Variants in WDFY2 observed in about 807,000 individuals in gnomAD.
WDFY2 encodes WD repeat and FYVE domain-containing protein 2.
A neutral mutation model predicts 56.4 loss-of-function variants in WDFY2; 36 were observed. The observed-to-expected ratio is 0.64, with a 90% confidence interval of 0.49 to 0.84. The LOEUF (loss-of-function observed/expected upper bound fraction) is 0.84, where lower values mean the gene tolerates loss of function less well. Among genes scored for constraint, WDFY2 ranks in the 40% least tolerant of loss-of-function variants. The pLI is 0.00. For synonymous variants in WDFY2, 176 were observed against 183.7 expected (o/e 0.96, Z 0.34); for missense variants, 444 against 512.2 (o/e 0.87, Z 1.29).
chr13:51,619,864 C>G (rs1954692542), intron 1 of WDFY2, among the ~76,000 whole-genome samples: 1 of 152,210 alleles, frequency 6.6e-6, no homozygotes, highest in Non-Finnish European at 1.5e-5. Flanking sequence ...CTTATTTGAA[C>G]CTGCCTTGCA....
chr13:51,585,421 A>G (rs960181328), intron 1 of WDFY2, among the ~76,000 whole-genome samples: 18 of 152,194 alleles, frequency 1.2e-4, no homozygotes, highest in African/African-American at 4.1e-4. Flanking sequence ...TTGGAGCTCG[A>G]GGAGAAGCGC....
chr13:51,623,753 C>T (rs1954786445), intron 1 of WDFY2, among the ~76,000 whole-genome samples: 1 of 152,058 alleles, frequency 6.6e-6, no homozygotes, highest in South Asian at 2.1e-4. Context: ...TTTCTCATTC[C>T]CATAAGAAAT....
intron 4 of WDFY2, among the ~76,000 whole-genome samples, chr13:51,710,322 G>A (rs373094058): frequency 1.6e-4 from 24 of 152,194 alleles, no homozygotes; most frequent in East Asian, 1.2e-3. Context: ...CAAACCCACA[G>A]CCAATATCAT....
intron 1 of WDFY2, among the ~76,000 whole-genome samples, chr13:51,659,081 T>G (rs1158116555): frequency 1.3e-5 from 2 of 152,000 alleles, no homozygotes. Context: ...CGTCCACCAC[T>G]GCACCCTGCT....
At chr13:51,649,060 T>C (rs1376751922) in intron 1 of WDFY2, among the ~76,000 whole-genome samples, 2 of 152,174 alleles carry the variant, frequency 1.3e-5, no homozygotes, top group African/African-American at 4.8e-5. Flanking sequence ...AGCAGGACAA[T>C]CATTTAATCC....
intron 2 of WDFY2, among the ~76,000 whole-genome samples, chr13:51,674,248 G>A (rs193128355): frequency 1.4e-4 from 21 of 152,296 alleles, no homozygotes; most frequent in Admixed American, 7.2e-4. Context: ...TGGCTTCTGT[G>A]AATATGAAGG....
intron 3 of WDFY2, among the ~76,000 whole-genome samples, chr13:51,686,677 T>C (rs1956067155): frequency 6.6e-6 from 1 of 152,106 alleles, no homozygotes; most frequent in Admixed American, 6.6e-5. Flanking sequence ...AAGAGATAAT[T>C]ATAACATTTT....
At chr13:51,753,017 G>T (rs1000204621) in intron 8 of WDFY2, 2 of 152,190 alleles carry the variant, frequency 1.3e-5, no homozygotes, top group African/African-American at 4.8e-5. Context: ...TCTATTAAAT[G>T]GTGTAAATGA....
Position 51,762,987 on chromosome 13 carries a change from T to C in WDFY2, c.*3218T>C, listed in dbSNP as rs1404043229. 6.6e-6 allele frequency: 1 copy of C among 152,194 alleles called. No individual in the cohort carries two copies. Among genetic ancestry groups the C allele is most frequent in the Non-Finnish European group, 1.5e-5 (1 of 68,030 alleles). 9.4% of individuals were successfully genotyped at this position (152,194 alleles called of 1,614,324 possible). A position where few individuals can be genotyped will look rare whatever the true frequency, so the allele number is the denominator to read the frequency against. On this transcript the variant is annotated 3_prime_UTR_variant, in exon 12 of 12. Transcript: ENST00000298125. ...ATTTGGAATCTTATGTCATTTTGTA[T>C]GGGGTCAATCCACCATAACGTGTTT...
chr13:51,654,222 C>G (rs969795621), intron 1 of WDFY2, among the ~76,000 whole-genome samples: 13 of 152,208 alleles, frequency 8.5e-5, no homozygotes, highest in Admixed American at 6.5e-5. Flanking sequence ...GATACAATCT[C>G]CTAGTGTGCC....
intron 1 of WDFY2, 111 bp downstream of exon 1, chr13:51,584,935 C>G (rs1953907544): frequency 6.9e-7 from 1 of 1,439,320 alleles, no homozygotes; most frequent in African/African-American, 1.4e-5. Flanking sequence ...CTTGCTCCCC[C>G]AAGTTTTATT....
chr13:51,730,381 G>T (rs1485400435), intron 6 of WDFY2, among the ~76,000 whole-genome samples: 1 of 152,136 alleles, frequency 6.6e-6, no homozygotes, highest in Non-Finnish European at 1.5e-5. Context: ...CCTTCCTTTG[G>T]CTTTTCTTCT....
chr13:51,663,253 C>T (rs539472453), intron 2 of WDFY2, among the ~76,000 whole-genome samples: 1 of 152,256 alleles, frequency 6.6e-6, no homozygotes, highest in South Asian at 2.1e-4. Flanking sequence ...GATCTATGTA[C>T]ATGTTTATAT....
rs561374436 is a variant in WDFY2, at chr13:51,693,838, C to A, written c.280-9758C>A. ...AGTCTAAGTCTCTTTATAGGTCACTCAGGACTTGCTTTATGAATCTGGGTA... is the reference window on the plus strand; with the variant it reads ...AGTCTAAGTCTCTTTATAGGTCACTAAGGACTTGCTTTATGAATCTGGGTA... On this transcript the variant is annotated intron_variant, in intron 3 of 11. Coordinates refer to ENST00000298125, the MANE Select transcript of WDFY2 (RefSeq NM_052950.4). Among the ~76,000 whole-genome samples, 696 of 152,016 alleles carry A rather than the reference C, an allele frequency of 4.6e-3. 4 individuals carry two copies. The highest frequency in any genetic ancestry group is 0.016 in the African/African-American group (642 of 41,300).
chr13:51,654,896 GT>G (rs1955480000), intron 1 of WDFY2, among the ~76,000 whole-genome samples: 1 of 152,048 alleles, frequency 6.6e-6, no homozygotes, highest in East Asian at 1.9e-4. Flanking sequence ...TTCAATACAA[GT>G]TGGTATAAGG....
chr13:51,751,193 G>T, intron 7 of WDFY2, 117 bp from the exon 8 acceptor site: 1 of 851,308 alleles, frequency 1.2e-6, no homozygotes, highest in Non-Finnish European at 1.8e-6. Flanking sequence ...AGGTTTCTAA[G>T]ATCTACACTG....
chr13:51,658,314 T>A (rs1955548419), intron 1 of WDFY2, among the ~76,000 whole-genome samples: 1 of 152,226 alleles, frequency 6.6e-6, no homozygotes, highest in African/African-American at 2.4e-5. Context: ...TGTCTCTAAT[T>A]TCTTTTGAAA....
At chr13:51,623,677 C>A (rs1197994163) in intron 1 of WDFY2, among the ~76,000 whole-genome samples, 1 of 152,174 alleles carries the variant, frequency 6.6e-6, no homozygotes, top group Non-Finnish European at 1.5e-5. Flanking sequence ...CCATCTATCT[C>A]TCCAGTGCAC....
intron 1 of WDFY2, among the ~76,000 whole-genome samples, chr13:51,640,357 C>A (rs78072024): frequency 6.6e-6 from 1 of 152,142 alleles, no homozygotes. Context: ...GCAATATATC[C>A]GTCATGCAGC....
Sources: allele counts gnomAD v4.1 joint callset (sites outside exome capture counted in the v4.1 genomes callset), GRCh38; gene constraint gnomAD v4.1.1; transcripts MANE v1.5; gene names NCBI Gene and HGNC (gene_info 2026-07-23, HGNC 2026-07-21).